LRP1B: variants seen among roughly 807,000 people sequenced by gnomAD.
LRP1B encodes the protein low-density lipoprotein receptor-related protein 1B.
LRP1B carries 217 observed loss-of-function variants against 556.6 expected under a neutral mutation model. The ratio of observed to expected loss-of-function variants is 0.39; its 90% CI spans 0.35 to 0.44. The LOEUF (loss-of-function observed/expected upper bound fraction) is 0.44. Among genes scored for constraint, LRP1B ranks in the 20% least tolerant of loss-of-function variants. The pLI is 1.00. For missense variants in LRP1B, 5,053 were observed against 5,620.8 expected, an observed-to-expected ratio of 0.90 and a Z score of 3.23; for synonymous variants, 2,047 against 1,865.8, an observed-to-expected ratio of 1.10 and a Z score of -2.50.
intron 35 of LRP1B, among the ~76,000 whole-genome samples, chr2:140,759,064 G>A (rs2104911129): frequency 6.6e-6 from 1 of 152,092 alleles, no homozygotes; most frequent in Non-Finnish European, 1.5e-5. Flanking sequence ...TTCCCCTGAA[G>A]AACAGAGCAG....
At chr2:141,741,411 C>A (rs192758097) in intron 2 of LRP1B, among the ~76,000 whole-genome samples, 2 of 151,530 alleles carry the variant, frequency 1.3e-5, no homozygotes, top group Non-Finnish European at 2.9e-5. Flanking sequence ...ATTTACATTC[C>A]TACCAATAGT....
intron 77 of LRP1B, among the ~76,000 whole-genome samples, chr2:140,338,962 T>C (rs1375248600): frequency 3.3e-5 from 5 of 151,780 alleles, no homozygotes; most frequent in African/African-American, 9.7e-5. Context: ...TGCAGAAGCA[T>C]GCAGCTTCCC....
At chr2:141,364,033 ACTT>A (rs1688929023) in intron 3 of LRP1B, among the ~76,000 whole-genome samples, 1 of 152,222 alleles carries the variant, frequency 6.6e-6, no homozygotes, top group African/African-American at 2.4e-5. Flanking sequence ...TCCATATCAT[ACTT>A]CTATCTCATC....
chr2:141,106,766 A>T (rs528711307), intron 7 of LRP1B, among the ~76,000 whole-genome samples: 1 of 152,320 alleles, frequency 6.6e-6, no homozygotes, highest in Non-Finnish European at 1.5e-5. Context: ...ACTATTCTGT[A>T]GCGTTCTCTC....
Position 140,501,655 on chromosome 2 carries a change from C to T in LRP1B, c.8850+32G>A, listed in dbSNP as rs200367433. On this transcript the variant is annotated intron_variant, in intron 55 of 90. Coordinates refer to ENST00000389484, the MANE Select transcript of LRP1B (RefSeq NM_018557.3). ...TTCTTAACCTCCAATTCTAATGTAT[C>T]GTATGATTTGCTACTTTTGATGAGT... 36 of 1,491,930 alleles carry T rather than the reference C, an allele frequency of 2.4e-5. 1 individual carries two copies. Among genetic ancestry groups the T allele is most frequent in the Middle Eastern group, 3.5e-4 (2 of 5,682 alleles). 92.4% of individuals were successfully genotyped at this position (1,491,930 alleles called of 1,614,324 possible). A position where few individuals can be genotyped will look rare whatever the true frequency, so the allele number is the denominator to read the frequency against.
chr2:141,077,740 C>CT, intron 7 of LRP1B, among the ~76,000 whole-genome samples: 1 of 152,254 alleles, frequency 6.6e-6, no homozygotes, highest in African/African-American at 2.4e-5. Flanking sequence ...ATTGCCTGCC[C>CT]TACAGATTTC....
intron 49 of LRP1B, among the ~76,000 whole-genome samples, chr2:140,522,494 T>C (rs564549556): frequency 1.3e-5 from 2 of 151,520 alleles, no homozygotes; most frequent in African/African-American, 4.8e-5. Context: ...CAAATAACAA[T>C]CTGACTGCAC....
intron 43 of LRP1B, among the ~76,000 whole-genome samples, chr2:140,575,755 T>A (rs1239172072): frequency 6.6e-6 from 1 of 151,806 alleles, no homozygotes; most frequent in Non-Finnish European, 1.5e-5. Flanking sequence ...TGAAACCCCA[T>A]CTCTACCAAA....
intron 1 of LRP1B, among the ~76,000 whole-genome samples, chr2:141,888,696 C>T (rs1431020042): frequency 2.0e-5 from 3 of 152,088 alleles, no homozygotes; most frequent in South Asian, 2.1e-4. Context: ...AAAGGTGAGA[C>T]GAAAGCCTAA....
chr2:140,398,422 A>C (rs1031513500), intron 66 of LRP1B, among the ~76,000 whole-genome samples: 2 of 152,144 alleles, frequency 1.3e-5, no homozygotes, highest in Non-Finnish European at 2.9e-5. Context: ...CTCATACAAC[A>C]CCTGGACACA....
At chr2:140,476,446 T>C (rs551831635) in intron 59 of LRP1B, among the ~76,000 whole-genome samples, 1 of 152,126 alleles carries the variant, frequency 6.6e-6, no homozygotes, top group African/African-American at 2.4e-5. Context: ...TCAATTCAAA[T>C]CTAAAACATT....
chr2:141,712,786 C>T (rs1692411376), intron 2 of LRP1B, among the ~76,000 whole-genome samples: 1 of 151,318 alleles, frequency 6.6e-6, no homozygotes, highest in African/African-American at 2.4e-5. Flanking sequence ...TCTCCTGCCT[C>T]AGCCTCCCTA....
rs1041391889 is a variant in LRP1B, at chr2:140,303,247, G to T, written c.12806-5278C>A. The stretch of plus-strand genomic sequence containing the variant: ...AAAATAAACTCTTTTTTATTTGTTT[G>T]TTATTTATTTATTTATTTGAGATGG... On this transcript the variant is annotated intron_variant, in intron 83 of 90. Transcript: ENST00000389484. Among the ~76,000 whole-genome samples the T allele has an allele frequency of 4.0e-5, 6 of 151,312 alleles. No individual in the cohort carries two copies. The South Asian group carries it at 8.4e-4, about 21-fold the overall frequency.
At chr2:140,650,597 C>T (rs1341504084) in intron 41 of LRP1B, among the ~76,000 whole-genome samples, 2 of 152,082 alleles carry the variant, frequency 1.3e-5, no homozygotes, top group African/African-American at 4.8e-5. Context: ...GATCTGCCTG[C>T]CTTGGCCTCC....
chr2:141,327,438 G>T (rs576558952), intron 3 of LRP1B, among the ~76,000 whole-genome samples: 6 of 152,154 alleles, frequency 3.9e-5, no homozygotes, highest in African/African-American at 1.4e-4. Context: ...GCTCAAAAGA[G>T]CTCTTTGTGT....
chr2:140,989,507 C>G (rs369881701), intron 17 of LRP1B, 25 bp downstream of exon 17: 1 of 1,611,042 alleles, frequency 6.2e-7, no homozygotes, highest in Non-Finnish European at 8.5e-7. Flanking sequence ...AGGAGATTTA[C>G]GTGTATATCC....
chr2:141,280,901 A>G (rs1407180332), intron 3 of LRP1B, among the ~76,000 whole-genome samples: 1 of 151,958 alleles, frequency 6.6e-6, no homozygotes, highest in Non-Finnish European at 1.5e-5. Context: ...ATTTGTATTC[A>G]GGCCTTAAAA....
chr2:141,312,142 C>T (rs1374240993), intron 3 of LRP1B, among the ~76,000 whole-genome samples: 2 of 152,106 alleles, frequency 1.3e-5, no homozygotes, highest in Non-Finnish European at 2.9e-5. Flanking sequence ...AAAAGTTACA[C>T]AAAGTGTGCC....
intron 89 of LRP1B, 134 bp downstream of exon 89, chr2:140,238,018 A>G: frequency 1.5e-6 from 1 of 647,438 alleles, no homozygotes; most frequent in Non-Finnish European, 2.5e-6. Context: ...AAGAGGCTAT[A>G]TCATTCAATA....
Sources: allele counts gnomAD v4.1 joint callset (sites outside exome capture counted in the v4.1 genomes callset), GRCh38; gene constraint gnomAD v4.1.1; transcripts MANE v1.5; gene names NCBI Gene and HGNC (gene_info 2026-07-23, HGNC 2026-07-21).